CEP83: variants seen among roughly 807,000 people sequenced by gnomAD.
The protein encoded by CEP83 is centrosomal protein of 83 kDa.
CEP83 carries 70 observed loss-of-function variants against 101.9 expected under a neutral mutation model. That is an observed-to-expected ratio of 0.69 (90% confidence interval 0.57 to 0.84). The LOEUF is 0.84. Ranked by LOEUF, CEP83 falls within the 40% of genes least tolerant of loss-of-function variation. CEP83 has a pLI of 0.00. For synonymous variants in CEP83, 264 were observed against 267.9 expected (o/e 0.99, Z 0.14); for missense variants, 715 against 787.2 (o/e 0.91, Z 1.10).
At chr12:94,333,231 T>C (rs973081234) in intron 13 of CEP83, among the ~76,000 whole-genome samples, 2 of 152,154 alleles carry the variant, frequency 1.3e-5, no homozygotes, top group African/African-American at 2.4e-5. Flanking sequence ...AAAGTTTTCT[T>C]TGAGGTTTTT....
chr12:94,273,869 T>G, the CEP83 span, among the ~76,000 whole-genome samples: 2 of 152,154 alleles, frequency 1.3e-5, no homozygotes, highest in Non-Finnish European at 2.9e-5. Context: ...GACTTGCCTC[T>G]TAGAGCAGAA....
At chr12:94,345,260 T>TA (rs1197271244) in intron 11 of CEP83, among the ~76,000 whole-genome samples, 2 of 152,160 alleles carry the variant, frequency 1.3e-5, no homozygotes, top group African/African-American at 2.4e-5. Context: ...AAAAAATTGA[T>TA]AAAGTGGTGT....
intron 2 of CEP83, chr12:94,424,510 C>A (rs2065032416): frequency 1.2e-6 from 2 of 1,613,620 alleles, no homozygotes; most frequent in Admixed American, 1.7e-5. Flanking sequence ...GCTTCAGCAT[C>A]CCCTCCAGTT....
chr12:94,354,985 A>G (rs1000773679), intron 11 of CEP83, among the ~76,000 whole-genome samples: 2 of 151,860 alleles, frequency 1.3e-5, no homozygotes, highest in Non-Finnish European at 2.9e-5. Context: ...CTGGCTACAG[A>G]GTGAGACTCC....
At chr12:94,326,378 C>A (rs2058975307) in intron 14 of CEP83, among the ~76,000 whole-genome samples, 1 of 152,124 alleles carries the variant, frequency 6.6e-6, no homozygotes, top group Non-Finnish European at 1.5e-5. Flanking sequence ...TCATGGGAAC[C>A]CCTAAGTTAG....
chr12:94,277,952 C>A, the CEP83 span: 2 of 455,932 alleles, frequency 4.4e-6, no homozygotes, highest in Non-Finnish European at 8.8e-6. Flanking sequence ...GTTTTCATCT[C>A]TCCCCTGAGC....
At chr12:94,366,307 T>C (rs1372922346) in intron 11 of CEP83, among the ~76,000 whole-genome samples, 3 of 152,086 alleles carry the variant, frequency 2.0e-5, no homozygotes, top group African/African-American at 7.2e-5. Context: ...TAAAGGAGAA[T>C]TTGGTGAGAA....
intron 11 of CEP83, among the ~76,000 whole-genome samples, chr12:94,343,140 G>T (rs1406260042): frequency 6.7e-6 from 1 of 149,306 alleles, no homozygotes; most frequent in Non-Finnish European, 1.5e-5. Context: ...TATATATATA[G>T]AACTTCATAC....
At chr12:94,268,401 A>G in the CEP83 span, among the ~76,000 whole-genome samples, 42 of 152,090 alleles carry the variant, frequency 2.8e-4, no homozygotes, top group Non-Finnish European at 5.7e-4. Flanking sequence ...CTCCAGGACC[A>G]TAAGAAACCA....
At chr12:94,397,202 T>C (rs1253660953) in intron 6 of CEP83, among the ~76,000 whole-genome samples, 1 of 152,098 alleles carries the variant, frequency 6.6e-6, no homozygotes, top group Non-Finnish European at 1.5e-5. Context: ...ACATCACATA[T>C]GAAAATTAAT....
intron 14 of CEP83, among the ~76,000 whole-genome samples, chr12:94,328,053 T>G (rs2059044744): frequency 6.6e-6 from 1 of 152,216 alleles, no homozygotes. Flanking sequence ...CAATCAGATA[T>G]TTTGCAACTT....
intron 1 of CEP83, among the ~76,000 whole-genome samples, chr12:94,453,011 G>A (rs1356977135): frequency 2.6e-5 from 4 of 152,170 alleles, no homozygotes; most frequent in Non-Finnish European, 5.9e-5. Flanking sequence ...GATCTTTGTA[G>A]AGGGCATCTT....
chr12:94,401,753 C>T (rs2063271277), intron 5 of CEP83, among the ~76,000 whole-genome samples: 1 of 152,042 alleles, frequency 6.6e-6, no homozygotes, highest in Non-Finnish European at 1.5e-5. Flanking sequence ...TGCAGATATA[C>T]TTTGCTTTGA....
At chr12:94,437,277 G>A (rs1191215114) in intron 1 of CEP83, among the ~76,000 whole-genome samples, 1 of 152,134 alleles carries the variant, frequency 6.6e-6, no homozygotes, top group Non-Finnish European at 1.5e-5. Flanking sequence ...CCTGGCAGGT[G>A]GAGGCTGCAA....
At chr12:94,279,026 A>G in the CEP83 span, among the ~76,000 whole-genome samples, 181 of 151,596 alleles carry the variant, frequency 1.2e-3, no homozygotes, top group African/African-American at 4.4e-3. Context: ...TGGCATGGTC[A>G]ATATGGGGAC....
intron 14 of CEP83, among the ~76,000 whole-genome samples, chr12:94,328,770 G>T (rs115472665): frequency 1.6e-3 from 245 of 152,276 alleles, no homozygotes; most frequent in African/African-American, 5.8e-3. Flanking sequence ...TGGAATCAAG[G>T]AAAGTAGGAA....
intron 6 of CEP83, among the ~76,000 whole-genome samples, chr12:94,395,370 A>T (rs994807405): frequency 4.0e-4 from 27 of 67,388 alleles, no homozygotes; most frequent in South Asian, 2.4e-3. Flanking sequence ...GTAACAAATT[A>T]AAAAAAAAAA....
At chr12:94,275,280 C>T in the CEP83 span, among the ~76,000 whole-genome samples, 3 of 152,370 alleles carry the variant, frequency 2.0e-5, no homozygotes. Context: ...CATAACATCT[C>T]TCTGACATCC....
chr12:94,379,034 T>G lies in CEP83; in HGVS notation c.558A>C (p.Arg186Ser). 1 of 1,599,004 alleles carries G rather than the reference T, an allele frequency of 6.3e-7. No individual in the cohort carries two copies. Residue 186 changes from arginine to serine, a missense_variant, in exon 7 of 17, where the codon AGA becomes AGC. Transcript: ENST00000397809. The stretch of plus-strand genomic sequence containing the variant: ...GTAGTTCTTCTTTATCTTCCTCCAG[T>G]CTTGCAATCTAATAATAATTTTAAA... ...GKIKYESEIA[R>S]LEEDKEELRN...
Sources: gnomAD v4.1 joint callset for allele counts (sites outside exome capture counted in the v4.1 genomes callset) on GRCh38, gnomAD v4.1.1 for gene constraint, MANE v1.5 for transcripts, NCBI Gene and HGNC (gene_info 2026-07-23, HGNC 2026-07-21) for gene names.